PLD5: variants seen among roughly 807,000 people sequenced by gnomAD.
PLD5 encodes the protein inactive phospholipase D5.
In PLD5, 36 loss-of-function variants were observed where a neutral mutation model predicts 61.1. That is an observed-to-expected ratio of 0.59 (90% confidence interval 0.45 to 0.78). The LOEUF (loss-of-function observed/expected upper bound fraction) is 0.78, where lower values mean the gene tolerates loss of function less well. PLD5 is among the 30% of genes least tolerant of loss of function. The probability of loss-of-function intolerance (pLI) is 0.00; values close to 1 mark genes in which losing one functional copy is unlikely to be tolerated. For missense variants in PLD5, 515 were observed against 644.4 expected, an observed-to-expected ratio of 0.80 and a Z score of 2.17; for synonymous variants, 243 against 242.8, an observed-to-expected ratio of 1.00 and a Z score of -0.01.
At chr1:242,502,358 C>A (rs1668581494) in intron 1 of PLD5, among the ~76,000 whole-genome samples, 1 of 152,162 alleles carries the variant, frequency 6.6e-6, no homozygotes, top group African/African-American at 2.4e-5. Flanking sequence ...TAATTAGTAG[C>A]CAAGCACGCA....
intron 2 of PLD5, among the ~76,000 whole-genome samples, chr1:242,332,833 C>T (rs1220046897): frequency 1.3e-5 from 2 of 152,210 alleles, no homozygotes; most frequent in Non-Finnish European, 2.9e-5. Context: ...AAACTGCTTA[C>T]ATTACTGGAA....
intron 2 of PLD5, among the ~76,000 whole-genome samples, chr1:242,313,203 T>C (rs1676807703): frequency 6.6e-6 from 1 of 152,238 alleles, no homozygotes; most frequent in South Asian, 2.1e-4. Context: ...TCAGGAGTCT[T>C]CAATGCATGT....
At chr1:242,327,786 C>A (rs1334688871) in intron 2 of PLD5, among the ~76,000 whole-genome samples, 1 of 152,162 alleles carries the variant, frequency 6.6e-6, no homozygotes, top group Non-Finnish European at 1.5e-5. Context: ...GAATAACCAT[C>A]TTGATATTAA....
chr1:242,394,183 A>AGTATATATATGT (rs1558525455), intron 1 of PLD5, among the ~76,000 whole-genome samples: 4 of 51,922 alleles, frequency 7.7e-5, no homozygotes, highest in African/African-American at 3.1e-4. Context: ...TGTATATATG[A>AGTATATATATGT]GTATATATGA....
chr1:242,099,327 A>G (rs1660501848), intron 9 of PLD5, among the ~76,000 whole-genome samples: 1 of 151,990 alleles, frequency 6.6e-6, no homozygotes. Context: ...GGTTTTCACC[A>G]TGTTGGCCAA....
intron 1 of PLD5, among the ~76,000 whole-genome samples, chr1:242,452,793 G>A (rs1311276843): frequency 1.3e-5 from 2 of 152,144 alleles, no homozygotes; most frequent in Non-Finnish European, 2.9e-5. Flanking sequence ...ACCAGCCTGG[G>A]TGGCCGAACC....
At chr1:242,307,130 G>A (rs548588587) in intron 2 of PLD5, among the ~76,000 whole-genome samples, 1 of 152,264 alleles carries the variant, frequency 6.6e-6, no homozygotes, top group Admixed American at 6.5e-5. Context: ...TATTAAGTTG[G>A]ATTCTCCTGT....
At chr1:242,182,857 A>G (rs957716113) in intron 5 of PLD5, among the ~76,000 whole-genome samples, 4 of 152,228 alleles carry the variant, frequency 2.6e-5, no homozygotes, top group Admixed American at 2.6e-4. Context: ...AAATAAAACG[A>G]ATAAATAAAT....
intron 5 of PLD5, among the ~76,000 whole-genome samples, chr1:242,141,961 A>G (rs1378240175): frequency 6.6e-6 from 1 of 152,212 alleles, no homozygotes; most frequent in Non-Finnish European, 1.5e-5. Context: ...TATAACATCT[A>G]TTTCACATCC....
chr1:242,218,991 TA>T (rs1206473855), intron 5 of PLD5, among the ~76,000 whole-genome samples: 1 of 152,202 alleles, frequency 6.6e-6, no homozygotes, highest in African/African-American at 2.4e-5. Flanking sequence ...CCACTTACCA[TA>T]AATGTAAGGT....
At chr1:242,414,637 A>G (rs1323095637) in intron 1 of PLD5, among the ~76,000 whole-genome samples, 1 of 152,218 alleles carries the variant, frequency 6.6e-6, no homozygotes, top group Non-Finnish European at 1.5e-5. Flanking sequence ...ATAAATTTCA[A>G]ACACATCAAA....
chr1:242,345,681 G>C (rs1660090032), intron 2 of PLD5: 1 of 768,700 alleles, frequency 1.3e-6, no homozygotes. Flanking sequence ...GCCCACAGGT[G>C]TCCTCAGACC....
chr1:242,122,899 CAAAA>C (rs1242330367), intron 6 of PLD5, among the ~76,000 whole-genome samples: 1 of 152,130 alleles, frequency 6.6e-6, no homozygotes, highest in African/African-American at 2.4e-5. Flanking sequence ...TGTTTAGTGA[CAAAA>C]AAGTTGTTGG....
intron 1 of PLD5, among the ~76,000 whole-genome samples, chr1:242,394,101 T>A (rs866071492): frequency 2.3e-4 from 30 of 129,620 alleles, no homozygotes; most frequent in East Asian, 1.8e-3. Flanking sequence ...TGTATATATG[T>A]GTATATATAT....
chr1:242,458,189 C>G (rs1450077764), intron 1 of PLD5, among the ~76,000 whole-genome samples: 2 of 152,132 alleles, frequency 1.3e-5, no homozygotes, highest in Non-Finnish European at 2.9e-5. Context: ...CCAATATAAG[C>G]CTTTAGGACC....
chr1:242,089,409 T>A lies in PLD5; in HGVS notation c.*445A>T. On this transcript the variant is annotated 3_prime_UTR_variant, in exon 10 of 10. Transcript: ENST00000536534. ...GACTGTGTAGGTCTTGGAGACGATT[T>A]ACAAGAATAAACACTTGGTTTTATC... 2.5e-6 allele frequency: 1 copy of A among 401,788 alleles called. No homozygotes were observed. Among genetic ancestry groups the A allele is most frequent in the Non-Finnish European group, 4.4e-6 (1 of 228,224 alleles). The allele number at this position is 401,788 out of a possible 1,614,324, so 24.9% of individuals were successfully genotyped here.
At chr1:242,354,376 G>T (rs1660639134) in intron 1 of PLD5, among the ~76,000 whole-genome samples, 2 of 152,134 alleles carry the variant, frequency 1.3e-5, no homozygotes, top group African/African-American at 4.8e-5. Flanking sequence ...TATAAATAAA[G>T]TTGCCAAGAT....
intron 6 of PLD5, among the ~76,000 whole-genome samples, chr1:242,118,465 G>A (rs779356422): frequency 1.3e-5 from 2 of 152,218 alleles, no homozygotes; most frequent in African/African-American, 2.4e-5. Flanking sequence ...GCATTCATCT[G>A]TCTATGTGTT....
intron 5 of PLD5, among the ~76,000 whole-genome samples, chr1:242,188,347 A>T (rs1029761471): frequency 6.6e-6 from 1 of 152,198 alleles, no homozygotes; most frequent in South Asian, 2.1e-4. Context: ...TAAGACAGAG[A>T]TAAGGTTTCC....
Sources: gnomAD v4.1 joint callset for allele counts (sites outside exome capture counted in the v4.1 genomes callset) on GRCh38, gnomAD v4.1.1 for gene constraint, MANE v1.5 for transcripts, NCBI Gene and HGNC (gene_info 2026-07-23, HGNC 2026-07-21) for gene names.